HS6ST2: variants seen among roughly 807,000 people sequenced by gnomAD.
HS6ST2 encodes heparan sulfate 6-O-sulfotransferase 2.
In HS6ST2, 17 loss-of-function variants were observed where a neutral mutation model predicts 33.0. The ratio of observed to expected loss-of-function variants is 0.52; its 90% CI spans 0.35 to 0.77. HS6ST2 has a LOEUF of 0.77. HS6ST2 is among the 30% of genes least tolerant of loss of function. The probability of loss-of-function intolerance (pLI) is 0.01; values close to 1 mark genes in which losing one functional copy is unlikely to be tolerated. For missense variants in HS6ST2, 519 were observed against 551.7 expected (o/e 0.94, Z 0.59); for synonymous variants, 248 against 237.1 (o/e 1.05, Z -0.42).
At chrX:132,750,875 T>G (rs764054389) in intron 2 of HS6ST2, among the ~76,000 whole-genome samples, 22 of 112,309 alleles carry the variant, frequency 2.0e-4, no homozygotes, top group African/African-American at 5.8e-4. Flanking sequence ...GAGTATGTAA[T>G]AAGCCACAAA....
chrX:132,927,740 C>T (rs1030794076), intron 2 of HS6ST2, among the ~76,000 whole-genome samples: 4 of 110,255 alleles, frequency 3.6e-5, no homozygotes, highest in African/African-American at 1.3e-4. Context: ...GCCTGTAGTT[C>T]CAGCTACTCT....
chrX:132,733,889 G>C (rs191695432), intron 2 of HS6ST2, among the ~76,000 whole-genome samples: 1 of 107,595 alleles, frequency 9.3e-6, no homozygotes, highest in Non-Finnish European at 1.9e-5. Flanking sequence ...ACTTACCCAC[G>C]ATCAAAGCTA....
intron 4 of HS6ST2, among the ~76,000 whole-genome samples, chrX:132,663,539 C>CAAAAAAG (rs1243701770): frequency 1.8e-5 from 2 of 110,495 alleles, no homozygotes; most frequent in East Asian, 5.6e-4. Flanking sequence ...GGTGCAATTG[C>CAAAAAAG]AAAAAAGAAA....
At chrX:132,923,986 C>T (rs937631261) in intron 2 of HS6ST2, among the ~76,000 whole-genome samples, 3 of 112,122 alleles carry the variant, frequency 2.7e-5, no homozygotes, top group Non-Finnish European at 5.6e-5. Flanking sequence ...GCCCGCATAT[C>T]TTGTAGTCTA....
At chrX:132,871,757 C>T (rs2148430770) in intron 2 of HS6ST2, among the ~76,000 whole-genome samples, 1 of 99,813 alleles carries the variant, frequency 1.0e-5, no homozygotes, top group African/African-American at 3.7e-5. Context: ...GGGAGGGGAA[C>T]ATAACTCACG....
chrX:132,955,099 A>G (rs986912382), intron 2 of HS6ST2, among the ~76,000 whole-genome samples: 2 of 112,344 alleles, frequency 1.8e-5, no homozygotes, highest in African/African-American at 3.2e-5. Flanking sequence ...GTGGAATTCT[A>G]CTTTTGCCCA....
At chrX:132,839,419 C>A (rs940105998) in intron 2 of HS6ST2, among the ~76,000 whole-genome samples, 1 of 90,792 alleles carries the variant, frequency 1.1e-5, no homozygotes, top group Non-Finnish European at 2.1e-5. Flanking sequence ...TAACTGACGG[C>A]CATTATCTTA....
At chrX:132,897,444 C>A (rs768331301) in intron 2 of HS6ST2, among the ~76,000 whole-genome samples, 28 of 111,224 alleles carry the variant, frequency 2.5e-4, no homozygotes, top group Non-Finnish European at 4.3e-4. Context: ...TCTGTATAGC[C>A]TTTAAGTACA....
chrX:132,737,254 T>C (rs1362369619), intron 2 of HS6ST2, among the ~76,000 whole-genome samples: 3 of 111,634 alleles, frequency 2.7e-5, no homozygotes, highest in Non-Finnish European at 1.9e-5. Flanking sequence ...GCTTCAAACC[T>C]AGTCTTCATA....
intron 2 of HS6ST2, among the ~76,000 whole-genome samples, chrX:132,753,354 T>G (rs1313282918): frequency 9.0e-6 from 1 of 111,678 alleles, no homozygotes; most frequent in African/African-American, 3.3e-5. Flanking sequence ...GGTGATAGGG[T>G]TTGGCTGTGT....
intron 2 of HS6ST2, among the ~76,000 whole-genome samples, chrX:132,748,850 A>T (rs1313552081): frequency 9.0e-6 from 1 of 111,634 alleles, no homozygotes; most frequent in Non-Finnish European, 1.9e-5. Context: ...GGCTCAAGCA[A>T]TCCACCTGCC....
At chrX:132,957,582 C>G (rs930564203) in intron 1 of HS6ST2, among the ~76,000 whole-genome samples, 6 of 110,332 alleles carry the variant, frequency 5.4e-5, no homozygotes, top group Non-Finnish European at 7.6e-5. Flanking sequence ...CGTTCGCCCC[C>G]TCCCCCCGCC....
rs554746546 is a variant in HS6ST2, at chrX:132,684,014, T to A, written c.981-14815A>T. 3.6e-5 allele frequency among the ~76,000 whole-genome samples: 4 copies of A among 109,878 alleles called. No individual in the cohort carries two copies. The South Asian group carries it at 1.6e-3, about 43-fold the overall frequency. Reference sequence around the variant, plus strand: ...TCTTAAAGAGCAAGATTACTGAAATTGAATGCTGGGGTTAGCTCTGAGTTT... The same window carrying A: ...TCTTAAAGAGCAAGATTACTGAAATAGAATGCTGGGGTTAGCTCTGAGTTT... On this transcript the variant is annotated intron_variant, in intron 3 of 4. Coordinates refer to ENST00000370833, the MANE Select transcript of HS6ST2 (RefSeq NM_001394073.1).
chrX:132,685,208 AT>A, intron 3 of HS6ST2, among the ~76,000 whole-genome samples: 1 of 112,107 alleles, frequency 8.9e-6, no homozygotes, highest in Middle Eastern at 4.6e-3. Flanking sequence ...TCTGGATTAA[AT>A]ATACTAAGGT....
intron 4 of HS6ST2, among the ~76,000 whole-genome samples, chrX:132,645,819 C>T (rs1372426776): frequency 2.7e-5 from 3 of 112,336 alleles, no homozygotes; most frequent in African/African-American, 9.7e-5. Context: ...TATTCCAAAT[C>T]TTTTGAAAGG....
At chrX:132,814,707 G>A (rs1378264588) in intron 2 of HS6ST2, among the ~76,000 whole-genome samples, 1 of 111,144 alleles carries the variant, frequency 9.0e-6, no homozygotes, top group Non-Finnish European at 1.9e-5. Flanking sequence ...TGTTCAGTAA[G>A]TATAAATTCT....
chrX:132,629,808 G>A lies in HS6ST2; in HGVS notation c.1068-715C>T, dbSNP rs778933226. ...TGAAATAGACATGGTAGCTGCCAAT[G>A]GCATGTATGCAAGCTACTACCTTGG... On this transcript the variant is annotated intron_variant, in intron 4 of 4. Coordinates refer to ENST00000370833, the MANE Select transcript of HS6ST2 (RefSeq NM_001394073.1). 3.6e-5 allele frequency among the ~76,000 whole-genome samples: 4 copies of A among 111,751 alleles called. No individual in the cohort carries two copies. In the South Asian group the frequency reaches 1.5e-3, roughly 42 times the overall value.
chrX:132,724,177 A>G lies in HS6ST2; in HGVS notation c.948-15683T>C, dbSNP rs1374128460. ...GAAAAGAAAAGAAAAGAAAAGAAAG[A>G]AACAAATGATGGCATCCAAATTGAA... is the stretch of plus-strand genomic sequence containing the variant. On this transcript the variant is annotated intron_variant, in intron 2 of 4. Transcript: ENST00000370833. Among the ~76,000 whole-genome samples the G allele has an allele frequency of 7.3e-5, 8 of 109,972 alleles. No homozygotes were observed. The Admixed American group carries it at 7.7e-4, about 11-fold the overall frequency.
intron 2 of HS6ST2, among the ~76,000 whole-genome samples, chrX:132,935,105 A>G (rs189315798): frequency 1.8e-5 from 2 of 112,018 alleles, no homozygotes; most frequent in African/African-American, 3.2e-5. Context: ...CCTAAAACAC[A>G]TGAAGTAAAA....
Sources: gnomAD v4.1 joint callset for allele counts (sites outside exome capture counted in the v4.1 genomes callset) on GRCh38, gnomAD v4.1.1 for gene constraint, MANE v1.5 for transcripts, NCBI Gene and HGNC (gene_info 2026-07-23, HGNC 2026-07-21) for gene names.